The following TCEANC2 variants were observed in gnomAD, a reference collection of about 807,000 sequenced individuals.
TCEANC2 encodes transcription elongation factor A N-terminal and central domain-containing protein 2.
In TCEANC2, 20 loss-of-function variants were observed where a neutral mutation model predicts 22.8. The ratio of observed to expected loss-of-function variants is 0.88; its 90% CI spans 0.62 to 1.28. The LOEUF is 1.28. Among genes scored for constraint, TCEANC2 ranks in the 50% most tolerant of loss-of-function variants. The pLI is 0.00. For synonymous variants in TCEANC2, 84 were observed against 95.5 expected (o/e 0.88, Z 0.70); for missense variants, 251 against 249.7 (o/e 1.01, Z -0.03).
At chr1:54,073,190 C>T (rs1238696612) in intron 3 of TCEANC2, among the ~76,000 whole-genome samples, 1 of 152,126 alleles carries the variant, frequency 6.6e-6, no homozygotes, top group African/African-American at 2.4e-5. Context: ...TGGTCTTGAA[C>T]TCCTGTACCC....
Position 54,097,032 on chromosome 1 carries a change from A to G in TCEANC2, c.*559A>G. 1.0e-6 allele frequency: 1 copy of G among 978,660 alleles called. No individual in the cohort carries two copies. The highest frequency in any genetic ancestry group is 1.2e-6 in the Non-Finnish European group (1 of 823,410). The allele number at this position is 978,660 out of a possible 1,614,324, so 60.6% of individuals were successfully genotyped here. ...TCTGAACGTTTCAGCTCTCCCTGGA[A>G]GACCTTCTGCGTTGGTCTCCAGAGC... On this transcript the variant is annotated 3_prime_UTR_variant, in exon 5 of 5. Coordinates refer to ENST00000234827, the MANE Select transcript of TCEANC2 (RefSeq NM_153035.3).
intron 2 of TCEANC2, among the ~76,000 whole-genome samples, chr1:54,059,159 T>C (rs1431146411): frequency 6.6e-6 from 1 of 151,518 alleles, no homozygotes; most frequent in Non-Finnish European, 1.5e-5. Context: ...TTTCTTTTTT[T>C]TTTTTTTTTT....
At chr1:54,110,445 GA>G (rs796365229), downstream of TCEANC2, among the ~76,000 whole-genome samples, 403 of 147,422 alleles carry the variant, frequency 2.7e-3, no homozygotes, top group African/African-American at 7.3e-3. Context: ...CTTTACAAAA[GA>G]AAAAAAAAAT....
At chr1:54,089,702 A>C (rs1486690724) in intron 4 of TCEANC2, among the ~76,000 whole-genome samples, 2 of 152,144 alleles carry the variant, frequency 1.3e-5, no homozygotes, top group African/African-American at 4.8e-5. Context: ...TACAGTCTCT[A>C]AAAAAAATTT....
rs74573707 is a variant in TCEANC2, at chr1:54,058,087, A to G, written c.102+3563A>G. ...GTCCATCTTAATCTATAAAATGGGG[A>G]TTAATAATACCTGTTTTATAAGGTA... On this transcript the variant is annotated intron_variant, in intron 2 of 4. Transcript: ENST00000234827. 3.2e-3 allele frequency among the ~76,000 whole-genome samples: 487 copies of G among 152,336 alleles called. 2 individuals are homozygous for G. The highest frequency in any genetic ancestry group is 0.011 in the African/African-American group (461 of 41,574).
intron 4 of TCEANC2, 33 bp downstream of exon 4, chr1:54,088,823 C>T: frequency 2.1e-6 from 3 of 1,408,202 alleles, no homozygotes; most frequent in Non-Finnish European, 9.5e-7. Flanking sequence ...CTGTTATGTA[C>T]CCATAATAAT....
intron 3 of TCEANC2, among the ~76,000 whole-genome samples, chr1:54,077,800 T>C (rs1379845182): frequency 6.6e-6 from 1 of 152,144 alleles, no homozygotes; most frequent in Non-Finnish European, 1.5e-5. Flanking sequence ...TCTTCTCGCC[T>C]TCTGTGTCCT....
intron 3 of TCEANC2, among the ~76,000 whole-genome samples, chr1:54,083,624 T>G (rs1185971442): frequency 1.3e-5 from 2 of 152,120 alleles, no homozygotes; most frequent in African/African-American, 4.8e-5. Flanking sequence ...GTGCGTTTCT[T>G]GGAGAGAGAA....
chr1:54,112,268 A>T (rs1658851681), exon 5 of TCEANC2: 1 of 152,232 alleles, frequency 6.6e-6, no homozygotes, highest in Non-Finnish European at 1.5e-5. Flanking sequence ...AGGGAGGCTG[A>T]GGCGGGAGGA....
intron 2 of TCEANC2, among the ~76,000 whole-genome samples, chr1:54,060,795 C>T (rs553652354): frequency 6.6e-6 from 1 of 152,014 alleles, no homozygotes; most frequent in East Asian, 1.9e-4. Flanking sequence ...CAAAAATTAG[C>T]CGGGTGTGGT....
intron 2 of TCEANC2, among the ~76,000 whole-genome samples, chr1:54,067,232 G>A (rs1452387396): frequency 6.6e-6 from 1 of 152,176 alleles, no homozygotes; most frequent in Non-Finnish European, 1.5e-5. Flanking sequence ...GGCAAGTGTG[G>A]GAGAAAATAC....
At chr1:54,054,250 C>G in intron 1 of TCEANC2, 131 bp from the exon 2 acceptor site, 2 of 1,441,296 alleles carry the variant, frequency 1.4e-6, no homozygotes, top group South Asian at 3.1e-5. Flanking sequence ...GAAAATCTTA[C>G]TTCCTGTCAA....
chr1:54,092,083 A>T (rs1412380812), intron 4 of TCEANC2, among the ~76,000 whole-genome samples: 2 of 152,206 alleles, frequency 1.3e-5, no homozygotes, highest in African/African-American at 4.8e-5. Context: ...AATGTATTCA[A>T]GTGGTCAAAA....
intron 2 of TCEANC2, among the ~76,000 whole-genome samples, chr1:54,067,954 T>C (rs1324600943): frequency 6.6e-6 from 1 of 152,180 alleles, no homozygotes; most frequent in Non-Finnish European, 1.5e-5. Flanking sequence ...AAAAGCAAAT[T>C]AAAAGTCTCC....
intron 1 of TCEANC2, 22 bp from the exon 2 acceptor site, chr1:54,054,359 A>G: frequency 6.2e-7 from 1 of 1,601,208 alleles, no homozygotes; most frequent in Non-Finnish European, 8.5e-7. Context: ...GGGTTTTAGA[A>G]TCTGCCCTCT....
At chr1:54,111,528 A>G in exon 5 of TCEANC2, 1 of 152,040 alleles carries the variant, frequency 6.6e-6, no homozygotes, top group East Asian at 1.9e-4. Context: ...GGCCTGTCCA[A>G]CTCCTAAGTC....
intron 4 of TCEANC2, among the ~76,000 whole-genome samples, chr1:54,093,259 T>A (rs1658481647): frequency 6.6e-6 from 1 of 152,138 alleles, no homozygotes; most frequent in Admixed American, 6.5e-5. Context: ...AAGGACTCGG[T>A]GAAACTCTGG....
chr1:54,076,484 T>A lies in TCEANC2; in HGVS notation c.244+7587T>A, dbSNP rs565610266. On this transcript the variant is annotated intron_variant, in intron 3 of 4. Coordinates refer to ENST00000234827, the MANE Select transcript of TCEANC2 (RefSeq NM_153035.3). ...TATTCCATGGTGTATCTGTGCCACA[T>A]TTTCTTTATCTAGTCTGTCATTGAT... Among the ~76,000 whole-genome samples the A allele has an allele frequency of 2.6e-5, 4 of 152,346 alleles. No individual in the cohort carries two copies. The South Asian group carries it at 8.3e-4, about 32-fold the overall frequency.
Position 54,105,650 on chromosome 1 carries a change from C to A in TCEANC2, c.*9177C>A, listed in dbSNP as rs1023084285. The A allele has an allele frequency of 9.2e-6, 1 of 108,408 alleles. No individual in the cohort carries two copies. The highest frequency in any genetic ancestry group is 1.8e-5 in the Non-Finnish European group (1 of 56,692). The allele number at this position is 108,408 out of a possible 1,614,324, so 6.7% of individuals were successfully genotyped here. The stretch of plus-strand genomic sequence containing the variant: ...AGCAAACTTTTTTTTTTTTTCGAGA[C>A]GGAGTCTCACTCCGTCACCAGGCTG... On this transcript the variant is annotated 3_prime_UTR_variant, in exon 5 of 5. Transcript: ENST00000234827.
Sources: allele counts gnomAD v4.1 joint callset (sites outside exome capture counted in the v4.1 genomes callset), GRCh38; gene constraint gnomAD v4.1.1; transcripts MANE v1.5; gene names NCBI Gene and HGNC (gene_info 2026-07-23, HGNC 2026-07-21).